The following TRPM3 variants were observed in gnomAD, a reference collection of about 807,000 sequenced individuals.
TRPM3 encodes long transient receptor potential channel 3.
TRPM3 carries 77 observed loss-of-function variants against 181.2 expected under a neutral mutation model. The ratio of observed to expected loss-of-function variants is 0.42; its 90% CI spans 0.35 to 0.51. The LOEUF (loss-of-function observed/expected upper bound fraction) is 0.51. TRPM3 is among the 20% of genes least tolerant of loss of function. TRPM3 has a pLI of 0.01. For synonymous variants in TRPM3, 745 were observed against 796.4 expected (o/e 0.94, Z 1.09); for missense variants, 1,759 against 2,196.7 (o/e 0.80, Z 3.98).
chr9:70,599,889 A>G (rs1314102410), intron 20 of TRPM3, among the ~76,000 whole-genome samples: 1 of 152,184 alleles, frequency 6.6e-6, no homozygotes, highest in Non-Finnish European at 1.5e-5. Flanking sequence ...TCATCTATTT[A>G]TTCATCTGTC....
At chr9:71,199,731 A>ATTTTTTT (rs542581530) in intron 1 of TRPM3, among the ~76,000 whole-genome samples, 64 of 149,596 alleles carry the variant, frequency 4.3e-4, no homozygotes, top group African/African-American at 1.5e-3. Flanking sequence ...CCCCTTTATC[A>ATTTTTTT]TTTTTTTTGC....
intron 1 of TRPM3, among the ~76,000 whole-genome samples, chr9:71,219,124 C>T (rs1289646108): frequency 6.6e-6 from 1 of 151,958 alleles, no homozygotes; most frequent in East Asian, 1.9e-4. Context: ...GAAAAGGCTG[C>T]ATTTCCATTT....
intron 1 of TRPM3, among the ~76,000 whole-genome samples, chr9:70,923,839 TATATAC>T (rs557638853): frequency 7.8e-6 from 1 of 128,422 alleles, no homozygotes; most frequent in African/African-American, 2.8e-5. Context: ...TATATATATA[TATATAC>T]ACACACACAC....
intron 1 of TRPM3, among the ~76,000 whole-genome samples, chr9:71,114,059 A>G (rs1311257466): frequency 1.3e-5 from 2 of 152,198 alleles, no homozygotes. Context: ...TTCTTCATGT[A>G]AGACAATTCA....
In TRPM3 at chr9:70,551,369, A is replaced by G. The variant is rs75280631; in HGVS notation, c.3574+1475T>C. On this transcript the variant is annotated intron_variant, in intron 24 of 25. Coordinates refer to ENST00000677713, the MANE Select transcript of TRPM3 (RefSeq NM_001366145.2). ...ATCTTTCTTCTCTGAGAAAGCAGACATGGCTGTTCCTCCCTTCTGAGCATC... is the reference window on the plus strand; with the variant it reads ...ATCTTTCTTCTCTGAGAAAGCAGACGTGGCTGTTCCTCCCTTCTGAGCATC... Among the ~76,000 whole-genome samples the G allele has an allele frequency of 2.1e-3, 318 of 152,280 alleles. 1 individual carries two copies. Among genetic ancestry groups the G allele is most frequent in the East Asian group, 4.3e-3 (22 of 5,170 alleles).
intron 1 of TRPM3, among the ~76,000 whole-genome samples, chr9:71,144,704 C>A (rs891450373): frequency 2.0e-5 from 3 of 152,134 alleles, no homozygotes; most frequent in South Asian, 2.1e-4. Flanking sequence ...AAAGTCAAGC[C>A]AGATTGCTGA....
At chr9:70,559,804 C>T (rs190662465) in intron 22 of TRPM3, among the ~76,000 whole-genome samples, 13 of 152,244 alleles carry the variant, frequency 8.5e-5, no homozygotes, top group Admixed American at 7.8e-4. Flanking sequence ...CCCTATACCA[C>T]CTCACAGTTG....
intron 1 of TRPM3, among the ~76,000 whole-genome samples, chr9:71,096,586 ACACACTCTCT>A (rs2067263006): frequency 1.0e-5 from 1 of 100,188 alleles, no homozygotes. Flanking sequence ...ACACACACAC[ACACACTCTCT>A]CTCTCTCTCT....
At chr9:70,924,841 C>G (rs1169393234) in intron 1 of TRPM3, among the ~76,000 whole-genome samples, 1 of 152,012 alleles carries the variant, frequency 6.6e-6, no homozygotes, top group African/African-American at 2.4e-5. Flanking sequence ...CTCACCTTAC[C>G]CCCAACAACC....
At chr9:70,792,114 C>A (rs1008341327) in intron 6 of TRPM3, among the ~76,000 whole-genome samples, 2 of 152,150 alleles carry the variant, frequency 1.3e-5, no homozygotes, top group Non-Finnish European at 2.9e-5. Context: ...GAGAACAGAC[C>A]CATCCACTGC....
At chr9:70,578,298 C>CAAA (rs56376771) in intron 22 of TRPM3, among the ~76,000 whole-genome samples, 3 of 116,414 alleles carry the variant, frequency 2.6e-5, no homozygotes, top group African/African-American at 6.3e-5. Flanking sequence ...CTTTTGTATC[C>CAAA]AAAAAAAAAA....
chr9:71,333,157 T>C (rs552935026), intron 1 of TRPM3, among the ~76,000 whole-genome samples: 1 of 151,858 alleles, frequency 6.6e-6, no homozygotes, highest in Non-Finnish European at 1.5e-5. Context: ...CTCAACTGTG[T>C]ATGGAATCCC....
At chr9:71,192,325 TC>T (rs1366215418) in intron 1 of TRPM3, among the ~76,000 whole-genome samples, 4 of 151,874 alleles carry the variant, frequency 2.6e-5, no homozygotes, top group Admixed American at 2.6e-4. Flanking sequence ...GAAGTTTTGC[TC>T]TCTGAAAGCA....
intron 1 of TRPM3, among the ~76,000 whole-genome samples, chr9:71,403,506 A>G (rs2093380422): frequency 6.6e-6 from 1 of 152,324 alleles, no homozygotes; most frequent in East Asian, 1.9e-4. Flanking sequence ...TAAAAAGATA[A>G]TAATGATGAT....
chr9:71,081,964 A>T (rs2064424727), intron 1 of TRPM3, among the ~76,000 whole-genome samples: 1 of 151,488 alleles, frequency 6.6e-6, no homozygotes, highest in South Asian at 2.1e-4. Flanking sequence ...CTTTTATTTT[A>T]TTTTTTTACT....
At chr9:71,096,339 C>A in intron 1 of TRPM3, among the ~76,000 whole-genome samples, 1 of 149,824 alleles carries the variant, frequency 6.7e-6, no homozygotes, top group African/African-American at 2.5e-5. Flanking sequence ...CTTCTAGGAC[C>A]TGAAGGAACA....
chr9:70,591,335 G>C, intron 21 of TRPM3, 130 bp from the exon 22 acceptor site: 1 of 717,736 alleles, frequency 1.4e-6, no homozygotes, highest in South Asian at 1.7e-5. Context: ...GGGATGTTTA[G>C]ACAGGGAGTT....
chr9:71,414,067 A>G (rs2093602300), intron 1 of TRPM3, among the ~76,000 whole-genome samples: 1 of 152,116 alleles, frequency 6.6e-6, no homozygotes, highest in Admixed American at 6.6e-5. Context: ...TGTAAAAACA[A>G]AATTTAATTT....
At chr9:71,327,350 C>T (rs2089768073) in intron 1 of TRPM3, among the ~76,000 whole-genome samples, 1 of 152,146 alleles carries the variant, frequency 6.6e-6, no homozygotes, top group Non-Finnish European at 1.5e-5. Context: ...GATGTCTAAC[C>T]ACCTGTCATG....
Sources: gnomAD v4.1 joint callset for allele counts (sites outside exome capture counted in the v4.1 genomes callset) on GRCh38, gnomAD v4.1.1 for gene constraint, MANE v1.5 for transcripts, NCBI Gene and HGNC (gene_info 2026-07-23, HGNC 2026-07-21) for gene names.